HDAC4: variants seen among roughly 807,000 people sequenced by gnomAD.
HDAC4 encodes the protein histone deacetylase 4.
Under a neutral mutation model 135.1 loss-of-function variants are expected in HDAC4, and 16 were observed. That is an observed-to-expected ratio of 0.12 (90% confidence interval 0.08 to 0.18). The LOEUF is 0.18. Among genes scored for constraint, HDAC4 ranks in the 10% least tolerant of loss-of-function variants. The pLI is 1.00. For missense variants in HDAC4, 1,143 were observed against 1,511.8 expected (o/e 0.76, Z 4.05); for synonymous variants, 685 against 653.4 (o/e 1.05, Z -0.74).
chr2:239,266,458 A>G (rs1226858012), intron 2 of HDAC4, among the ~76,000 whole-genome samples: 2 of 152,164 alleles, frequency 1.3e-5, no homozygotes, highest in African/African-American at 4.8e-5. Context: ...TGTGCTGGCC[A>G]TGCTACCCCC....
chr2:239,347,632 A>G (rs1692808072), intron 2 of HDAC4, among the ~76,000 whole-genome samples: 1 of 152,072 alleles, frequency 6.6e-6, no homozygotes, highest in African/African-American at 2.4e-5. Flanking sequence ...CTCCTGCCTC[A>G]GCCTCCCGAG....
At chr2:239,291,942 C>A (rs2051531166) in intron 2 of HDAC4, among the ~76,000 whole-genome samples, 1 of 152,232 alleles carries the variant, frequency 6.6e-6, no homozygotes, top group African/African-American at 2.4e-5. Flanking sequence ...CCTTTGTCTG[C>A]AGCACAGCAA....
intron 9 of HDAC4, among the ~76,000 whole-genome samples, chr2:239,135,380 A>G (rs1191546047): frequency 6.6e-6 from 1 of 152,246 alleles, no homozygotes; most frequent in African/African-American, 2.4e-5. Context: ...ACTAACAGTG[A>G]GAAAAGCACG....
intron 2 of HDAC4, among the ~76,000 whole-genome samples, chr2:239,334,607 TAGAG>T (rs767581398): frequency 1.3e-5 from 2 of 151,798 alleles, no homozygotes; most frequent in Non-Finnish European, 2.9e-5. Context: ...TCGAAAAAAA[TAGAG>T]AGACGTAGCA....
Position 239,307,266 on chromosome 2 carries a change from AG to A in HDAC4, c.22+45411del, listed in dbSNP as rs1316068983. ...CCTCAGATGAGTGGGGGCTGTGCTC[AG>A]GACCCTCAGGGGACCATGGGCTACT... On this transcript the variant is annotated intron_variant, in intron 2 of 26. Coordinates refer to ENST00000543185, the MANE Select transcript of HDAC4 (RefSeq NM_001378414.1). This position sits in a 1 kb window ranked among gnomAD's most constrained non-coding sequence, Gnocchi z 4.8. Among the ~76,000 whole-genome samples the A allele has an allele frequency of 6.6e-6, 1 of 152,134 alleles. No homozygotes were observed. The highest frequency in any genetic ancestry group is 1.5e-5 in the Non-Finnish European group (1 of 68,016).
At chr2:239,283,922 G>A (rs1206438947) in intron 2 of HDAC4, among the ~76,000 whole-genome samples, 7 of 152,256 alleles carry the variant, frequency 4.6e-5, no homozygotes, top group African/African-American at 1.7e-4. Flanking sequence ...GAAGTGGAGA[G>A]CAGTTCCAAC....
In HDAC4 at chr2:239,262,472, AG is replaced by A. The variant is rs2049430606; in HGVS notation, c.23-25809del. 1.3e-5 allele frequency among the ~76,000 whole-genome samples: 2 copies of A among 152,222 alleles called. No homozygotes were observed. The highest frequency in any genetic ancestry group is 4.8e-5 in the African/African-American group (2 of 41,456). On this transcript the variant is annotated intron_variant, in intron 2 of 26. Coordinates refer to ENST00000543185, the MANE Select transcript of HDAC4 (RefSeq NM_001378414.1). The surrounding 1 kb of genome is among the most constrained non-coding windows in gnomAD (Gnocchi z 4.1). ...ATAGAAATTTAATTAGAAACAGACG[AG>A]GATCTTCTCAAATCACCCTTGCCTT... is the stretch of plus-strand genomic sequence containing the variant.
intron 7 of HDAC4, 41 bp downstream of exon 7, chr2:239,156,611 T>C: frequency 6.2e-7 from 1 of 1,613,746 alleles, no homozygotes; most frequent in Non-Finnish European, 8.5e-7. Flanking sequence ...AAGGTGCCCG[T>C]GCAGGAGACC....
intron 2 of HDAC4, among the ~76,000 whole-genome samples, chr2:239,342,608 T>A (rs1207858598): frequency 1.3e-5 from 2 of 152,180 alleles, no homozygotes; most frequent in Non-Finnish European, 2.9e-5. Context: ...GAACACTGTG[T>A]TTCAAGGTAA....
chr2:239,153,478 T>C (rs1157132709), intron 7 of HDAC4, among the ~76,000 whole-genome samples: 1 of 150,934 alleles, frequency 6.6e-6, no homozygotes, highest in Non-Finnish European at 1.5e-5. Flanking sequence ...ATAACTTACT[T>C]AGAATGAGCG....
rs2030568474 is a variant in HDAC4, at chr2:239,049,883, G to T, written c.*3214C>A. 6.6e-6 allele frequency: 1 copy of T among 152,564 alleles called. No homozygotes were observed. Among genetic ancestry groups the T allele is most frequent in the Non-Finnish European group, 1.5e-5 (1 of 68,092 alleles). 9.5% of individuals were successfully genotyped at this position (152,564 alleles called of 1,614,324 possible). A position where few individuals can be genotyped will look rare whatever the true frequency, so the allele number is the denominator to read the frequency against. On this transcript the variant is annotated 3_prime_UTR_variant, in exon 27 of 27. Transcript: ENST00000543185. ...CGCGAGGGCAGGGCAGACGCCAAGA[G>T]GCCCAGTGGCGTCATCAGGGTTTCC...
intron 7 of HDAC4, among the ~76,000 whole-genome samples, chr2:239,148,672 T>C (rs2041916094): frequency 6.6e-6 from 1 of 152,348 alleles, no homozygotes. Context: ...CAAAAACTCA[T>C]GCTCCATGCA....
At chr2:239,263,085 G>A (rs1236679425) in intron 2 of HDAC4, among the ~76,000 whole-genome samples, 1 of 152,154 alleles carries the variant, frequency 6.6e-6, no homozygotes, top group Non-Finnish European at 1.5e-5. Flanking sequence ...AACCTGCTGC[G>A]GCGGTGACAC....
intron 7 of HDAC4, among the ~76,000 whole-genome samples, chr2:239,147,333 C>T (rs1274493609): frequency 2.0e-5 from 3 of 152,246 alleles, no homozygotes; most frequent in Non-Finnish European, 1.5e-5. Flanking sequence ...ACTTCCAGGC[C>T]GGGCATCTCA....
chr2:239,294,849 C>G (rs1334247084), intron 2 of HDAC4, among the ~76,000 whole-genome samples: 1 of 152,170 alleles, frequency 6.6e-6, no homozygotes, highest in East Asian at 1.9e-4. Context: ...ACTGTGCGCT[C>G]TCAGGACAGG....
rs75894005 is a variant in HDAC4 at position 239,338,850 on chromosome 2, C to G, written c.22+13828G>C. On this transcript the variant is annotated intron_variant, in intron 2 of 26. Coordinates refer to ENST00000543185, the MANE Select transcript of HDAC4 (RefSeq NM_001378414.1). ...GGAGGATTCCAGAGCAGGTGTCATC[C>G]AGGGCTCAGGGCCTCCAGGCTCCCC... Among the ~76,000 whole-genome samples, 1,467 of 152,262 alleles carry G rather than the reference C, an allele frequency of 9.6e-3. 31 individuals are homozygous for G. Among genetic ancestry groups the G allele is most frequent in the African/African-American group, 0.033 (1,376 of 41,518 alleles).
intron 19 of HDAC4, 47 bp from the exon 20 acceptor site, chr2:239,084,289 G>C (rs919408901): frequency 8.5e-6 from 12 of 1,416,114 alleles, no homozygotes; most frequent in Admixed American, 1.8e-5. Flanking sequence ...GTGGGCGGTG[G>C]CCAGTTTCTC....
intron 2 of HDAC4, among the ~76,000 whole-genome samples, chr2:239,332,821 G>A (rs1463476853): frequency 6.6e-6 from 1 of 151,704 alleles, no homozygotes; most frequent in Non-Finnish European, 1.5e-5. Flanking sequence ...TAAGCTCCTA[G>A]CAAAGTCCAA....
At chr2:239,254,321 C>T (rs2048940493) in intron 2 of HDAC4, among the ~76,000 whole-genome samples, 1 of 151,654 alleles carries the variant, frequency 6.6e-6, no homozygotes, top group Non-Finnish European at 1.5e-5. Flanking sequence ...TGGAAACAAC[C>T]CACCATGTGG....
Sources: allele counts gnomAD v4.1 joint callset (sites outside exome capture counted in the v4.1 genomes callset), GRCh38; gene constraint gnomAD v4.1.1; non-coding constraint Gnocchi (gnomAD v3.1); transcripts MANE v1.5; gene names NCBI Gene and HGNC (gene_info 2026-07-23, HGNC 2026-07-21).